Variants in HACE1 observed in about 807,000 individuals in gnomAD.
The protein encoded by HACE1 is E3 ubiquitin-protein ligase HACE1.
A neutral mutation model predicts 118.4 loss-of-function variants in HACE1; 73 were observed. The observed-to-expected ratio is 0.62, with a 90% CI of 0.51 to 0.75. The LOEUF (loss-of-function observed/expected upper bound fraction) is 0.75. Ranked by LOEUF, HACE1 falls within the 30% of genes least tolerant of loss-of-function variation. The probability of loss-of-function intolerance (pLI) is 0.00; values close to 1 mark genes in which losing one functional copy is unlikely to be tolerated. For missense variants in HACE1, 749 were observed against 1,102.2 expected (o/e 0.68, Z 4.54); for synonymous variants, 368 against 374.8 (o/e 0.98, Z 0.21).
intron 22 of HACE1, among the ~76,000 whole-genome samples, chr6:104,737,098 C>G (rs965081417): frequency 2.0e-5 from 3 of 148,486 alleles, no homozygotes; most frequent in Non-Finnish European, 4.5e-5. Flanking sequence ...AGCTTGGCCA[C>G]GATGGTGAAA....
intron 10 of HACE1, among the ~76,000 whole-genome samples, chr6:104,793,743 A>G (rs929926678): frequency 3.3e-5 from 5 of 152,242 alleles, no homozygotes; most frequent in Admixed American, 1.3e-4. Flanking sequence ...ACCATTAAAC[A>G]TAAATCAGCA....
intron 7 of HACE1, among the ~76,000 whole-genome samples, chr6:104,802,701 A>T (rs1770518086): frequency 6.6e-6 from 1 of 152,246 alleles, no homozygotes; most frequent in African/African-American, 2.4e-5. Flanking sequence ...AATCTCTGGG[A>T]CACATTTAAA....
At chr6:104,810,462 G>A (rs1342574937) in intron 7 of HACE1, among the ~76,000 whole-genome samples, 1 of 151,732 alleles carries the variant, frequency 6.6e-6, no homozygotes, top group Non-Finnish European at 1.5e-5. Flanking sequence ...GCTCTATATC[G>A]GAATATGAAG....
intron 22 of HACE1, among the ~76,000 whole-genome samples, chr6:104,736,239 T>C (rs1443517481): frequency 6.6e-6 from 1 of 151,694 alleles, no homozygotes; most frequent in African/African-American, 2.4e-5. Flanking sequence ...ATATTTTTAG[T>C]CTATAACCTG....
chr6:104,744,204 A>C lies in HACE1; in HGVS notation c.2469T>G (p.Ile823Met). 1 of 1,603,930 alleles carries C rather than the reference A, an allele frequency of 6.2e-7. No homozygotes were observed. Among genetic ancestry groups the C allele is most frequent in the Non-Finnish European group, 8.5e-7 (1 of 1,172,196 alleles). Residue 823 changes from isoleucine to methionine, a missense_variant, in exon 22 of 24, where the codon ATT becomes ATG. By Grantham distance (10) the Ile-to-Met change is conservative (BLOSUM62 1). Transcript: ENST00000262903. ...IQWFWEVVED[I>M]TQEERVLLLQ... ...AGAGAAGAACTCTCTCCTCTTGAGT[A>C]ATGTCTTCTACAACTTCCCAGAACC...
chr6:104,757,599 A>C (rs1778865710), intron 19 of HACE1, among the ~76,000 whole-genome samples: 1 of 152,228 alleles, frequency 6.6e-6, no homozygotes, highest in Non-Finnish European at 1.5e-5. Flanking sequence ...AAACCAGAGC[A>C]GAAAGGCTGA....
intron 20 of HACE1, among the ~76,000 whole-genome samples, chr6:104,747,167 G>C (rs1323982403): frequency 6.6e-6 from 1 of 151,918 alleles, no homozygotes; most frequent in Non-Finnish European, 1.5e-5. Context: ...TTCATCTGTT[G>C]GAACTATGTG....
intron 1 of HACE1, among the ~76,000 whole-genome samples, chr6:104,853,370 G>T (rs1253163431): frequency 2.6e-5 from 4 of 152,012 alleles, no homozygotes; most frequent in Non-Finnish European, 1.5e-5. Flanking sequence ...TGACCCAAAA[G>T]GTTAAAAATC....
At chr6:104,807,510 C>T (rs1771141306) in intron 7 of HACE1, among the ~76,000 whole-genome samples, 1 of 152,118 alleles carries the variant, frequency 6.6e-6, no homozygotes, top group Non-Finnish European at 1.5e-5. Flanking sequence ...CCTTGCTTTT[C>T]CTAATAGAAT....
At chr6:104,831,629 C>T (rs1464133160) in intron 6 of HACE1, among the ~76,000 whole-genome samples, 1 of 149,864 alleles carries the variant, frequency 6.7e-6, no homozygotes, top group Non-Finnish European at 1.5e-5. Flanking sequence ...CACGGTGGCT[C>T]ACGCCTGTAA....
intron 17 of HACE1, among the ~76,000 whole-genome samples, chr6:104,775,290 TG>T (rs1311143330): frequency 6.6e-6 from 1 of 151,640 alleles, no homozygotes; most frequent in African/African-American, 2.4e-5. Context: ...GAGGCTGAGG[TG>T]GAGGGTCCCT....
chr6:104,748,260 C>T (rs984158731), intron 20 of HACE1, among the ~76,000 whole-genome samples: 1 of 149,084 alleles, frequency 6.7e-6, no homozygotes, highest in African/African-American at 2.5e-5. Context: ...AAAAAAAACA[C>T]AATAGAAAAG....
intron 6 of HACE1, among the ~76,000 whole-genome samples, chr6:104,827,682 A>C (rs1184293868): frequency 1.3e-5 from 2 of 152,098 alleles, no homozygotes; most frequent in African/African-American, 2.4e-5. Context: ...GAATCTAATT[A>C]ATGTCTGGAA....
At chr6:104,788,275 T>C (rs537799639) in intron 11 of HACE1, among the ~76,000 whole-genome samples, 2 of 152,146 alleles carry the variant, frequency 1.3e-5, no homozygotes, top group Non-Finnish European at 2.9e-5. Context: ...TTAGCAGGTT[T>C]CTTGGTACTG....
At chr6:104,796,839 A>C (rs1362724864) in intron 8 of HACE1, 83 bp from the exon 9 acceptor site, 16 of 1,077,608 alleles carry the variant, frequency 1.5e-5, no homozygotes, top group Non-Finnish European at 2.3e-5. Flanking sequence ...AAATCTTTGC[A>C]CCTACCCTTT....
At chr6:104,747,739 C>T (rs1032345671) in intron 20 of HACE1, among the ~76,000 whole-genome samples, 10 of 152,090 alleles carry the variant, frequency 6.6e-5, no homozygotes, top group African/African-American at 2.4e-4. Context: ...TAGTACTCAC[C>T]TCAAGAGATT....
intron 7 of HACE1, among the ~76,000 whole-genome samples, chr6:104,798,376 A>G (rs1430314755): frequency 6.6e-6 from 1 of 152,112 alleles, no homozygotes; most frequent in Non-Finnish European, 1.5e-5. Context: ...ATAATTTAAA[A>G]CCAATTGGAA....
chr6:104,817,043 T>C (rs1249506207), intron 6 of HACE1, among the ~76,000 whole-genome samples: 1 of 152,178 alleles, frequency 6.6e-6, no homozygotes, highest in African/African-American at 2.4e-5. Flanking sequence ...TGGAAGTAAC[T>C]AACTTGTTTT....
At chr6:104,780,057 T>C (rs553476419) in intron 14 of HACE1, among the ~76,000 whole-genome samples, 2 of 152,254 alleles carry the variant, frequency 1.3e-5, no homozygotes, top group South Asian at 2.1e-4. Context: ...ACTCAATACC[T>C]AGAATGCTCA....
Sources: gnomAD v4.1 joint callset for allele counts (sites outside exome capture counted in the v4.1 genomes callset) on GRCh38, gnomAD v4.1.1 for gene constraint, MANE v1.5 for transcripts, NCBI Gene and HGNC (gene_info 2026-07-23, HGNC 2026-07-21) for gene names.